The following HYCC1 variants were observed in gnomAD, a reference collection of about 807,000 sequenced individuals.
The protein encoded by HYCC1 is hyccin.
the HYCC1 span, among the ~76,000 whole-genome samples, chr7:23,001,137 T>C: frequency 6.6e-6 from 1 of 152,310 alleles, no homozygotes; most frequent in Non-Finnish European, 1.5e-5. Flanking sequence ...TAGATGTCCA[T>C]AGATAATGTT....
the HYCC1 span, chr7:22,937,459 T>C: frequency 2.6e-5 from 4 of 152,208 alleles, no homozygotes; most frequent in Admixed American, 2.6e-4. Flanking sequence ...ACACCATTCA[T>C]AGTCTAACTA....
chr7:22,898,893 G>C, the HYCC1 span, among the ~76,000 whole-genome samples: 1 of 152,260 alleles, frequency 6.6e-6, no homozygotes, highest in South Asian at 2.1e-4. Flanking sequence ...GAACCACCCC[G>C]CCCGGCTGGT....
At chr7:23,007,791 T>G in the HYCC1 span, among the ~76,000 whole-genome samples, 2 of 152,128 alleles carry the variant, frequency 1.3e-5, no homozygotes, top group Non-Finnish European at 2.9e-5. Flanking sequence ...TGAAAGCTAC[T>G]TGGAAATCTA....
At chr7:22,900,938 A>G in the HYCC1 span, among the ~76,000 whole-genome samples, 1 of 152,264 alleles carries the variant, frequency 6.6e-6, no homozygotes, top group South Asian at 2.1e-4. Context: ...AACGAAAAAC[A>G]TACTGGCCTG....
chr7:22,945,516 C>T, the HYCC1 span: 1 of 1,109,072 alleles, frequency 9.0e-7, no homozygotes, highest in Non-Finnish European at 1.4e-6. Context: ...ATGAAAGACC[C>T]AGGGTACTTT....
the HYCC1 span, among the ~76,000 whole-genome samples, chr7:22,991,534 TTAAAG>T: frequency 4.6e-5 from 7 of 152,244 alleles, no homozygotes; most frequent in East Asian, 1.3e-3. Flanking sequence ...ATAGAAAGCA[TTAAAG>T]TAATTTAATT....
the HYCC1 span, chr7:22,983,945 T>TCA: frequency 3.2e-6 from 5 of 1,547,866 alleles, no homozygotes; most frequent in Non-Finnish European, 4.5e-6. Context: ...AGTACTTACC[T>TCA]CACTTTGTGG....
At chr7:22,972,766 T>C in the HYCC1 span, among the ~76,000 whole-genome samples, 1 of 152,212 alleles carries the variant, frequency 6.6e-6, no homozygotes. Flanking sequence ...ACACATACTA[T>C]GTAGGAAGAA....
the HYCC1 span, chr7:22,964,541 C>A: frequency 4.1e-6 from 6 of 1,476,144 alleles, no homozygotes; most frequent in Admixed American, 1.7e-5. Context: ...TCTAGAAAAA[C>A]CAAAATAAAT....
the HYCC1 span, chr7:22,946,222 A>C: frequency 1.5e-6 from 2 of 1,346,098 alleles, no homozygotes; most frequent in Non-Finnish European, 2.1e-6. Context: ...ATCTTTTTAA[A>C]TGATTAACAC....
At chr7:22,915,622 A>G in the HYCC1 span, among the ~76,000 whole-genome samples, 1 of 152,172 alleles carries the variant, frequency 6.6e-6, no homozygotes, top group African/African-American at 2.4e-5. Flanking sequence ...AGCCTCCTGG[A>G]CCATCACAGA....
the HYCC1 span, among the ~76,000 whole-genome samples, chr7:22,996,679 C>G: frequency 6.8e-6 from 1 of 147,092 alleles, no homozygotes; most frequent in Non-Finnish European, 1.5e-5. Flanking sequence ...CTAAAGGTAT[C>G]AGTAAAGCTT....
the HYCC1 span, among the ~76,000 whole-genome samples, chr7:23,007,735 AT>A: frequency 6.6e-6 from 1 of 152,156 alleles, no homozygotes; most frequent in Non-Finnish European, 1.5e-5. Context: ...TTAAAGAGAT[AT>A]GCTATTATCA....
the HYCC1 span, among the ~76,000 whole-genome samples, chr7:22,964,089 A>C: frequency 6.7e-6 from 1 of 150,322 alleles, no homozygotes; most frequent in Non-Finnish European, 1.5e-5. Flanking sequence ...TGAGGAAAAA[A>C]AGCTATTTGG....
chr7:22,974,931 C>T, the HYCC1 span, among the ~76,000 whole-genome samples: 9 of 152,280 alleles, frequency 5.9e-5, no homozygotes, highest in East Asian at 1.7e-3. Context: ...TTGCCTGCTG[C>T]CATGTAAGAC....
the HYCC1 span, among the ~76,000 whole-genome samples, chr7:22,980,858 G>A: frequency 1.3e-5 from 2 of 152,062 alleles, no homozygotes. Context: ...TCTACTCATA[G>A]GCCTGTCTCA....
chr7:22,917,881 G>A, the HYCC1 span, among the ~76,000 whole-genome samples: 3 of 151,902 alleles, frequency 2.0e-5, no homozygotes, highest in South Asian at 2.1e-4. Flanking sequence ...TCTTATTCTC[G>A]TTCCCATTCT....
chr7:22,994,803 C>T, the HYCC1 span, among the ~76,000 whole-genome samples: 2 of 152,088 alleles, frequency 1.3e-5, no homozygotes, highest in Non-Finnish European at 2.9e-5. Flanking sequence ...GGACTAAAGT[C>T]TTTATTCCCT....
chr7:22,976,663 A>T, the HYCC1 span: 1 of 1,313,654 alleles, frequency 7.6e-7, no homozygotes, highest in Non-Finnish European at 1.1e-6. Context: ...TTAGTGGATT[A>T]AGATAAGAAT....
Sources: gnomAD v4.1 joint callset for allele counts (sites outside exome capture counted in the v4.1 genomes callset) on GRCh38, gnomAD v4.1.1 for gene constraint, MANE v1.5 for transcripts, NCBI Gene and HGNC (gene_info 2026-07-23, HGNC 2026-07-21) for gene names.